FCN2: variants seen among roughly 807,000 people sequenced by gnomAD.
The protein encoded by FCN2 is ficolin 2.
Under a neutral mutation model 32.5 loss-of-function variants are expected in FCN2, and 31 were observed. That is an observed-to-expected ratio of 0.96 (90% CI 0.72 to 1.29). The LOEUF is 1.29. Among genes scored for constraint, FCN2 ranks in the 50% most tolerant of loss-of-function variants. The pLI, the probability that FCN2 is intolerant of heterozygous loss-of-function variation, is 0.00. For missense variants in FCN2, 412 were observed against 406.5 expected (o/e 1.01, Z -0.12); for synonymous variants, 181 against 164.5 (o/e 1.10, Z -0.77).
intron 5 of FCN2, among the ~76,000 whole-genome samples, 179 bp from the exon 6 acceptor site, chr9:134,885,589 C>G (rs1830738716): frequency 6.6e-6 from 1 of 152,068 alleles, no homozygotes. Flanking sequence ...CCTCCCCTCT[C>G]TGAGCCCCCA....
At chr9:134,884,042 A>G (rs1830707300) in intron 3 of FCN2, among the ~76,000 whole-genome samples, 1 of 151,780 alleles carries the variant, frequency 6.6e-6, no homozygotes, top group Non-Finnish European at 1.5e-5. Flanking sequence ...TCCCCTGAGC[A>G]TGAGGCCCTG....
chr9:134,877,152 C>G (rs1176071775), upstream of FCN2, among the ~76,000 whole-genome samples: 1 of 152,108 alleles, frequency 6.6e-6, no homozygotes, highest in Non-Finnish European at 1.5e-5. Context: ...TGCACTTGTT[C>G]ATTATTATTC....
intron 4 of FCN2, 35 bp downstream of exon 4, chr9:134,884,807 G>A: frequency 6.2e-7 from 1 of 1,609,442 alleles, no homozygotes; most frequent in Non-Finnish European, 8.5e-7. Context: ...CCCACGGCTT[G>A]TGGCTGCCCT....
chr9:134,884,429 G>T (rs1038360610), intron 3 of FCN2, among the ~76,000 whole-genome samples: 52 of 152,262 alleles, frequency 3.4e-4, no homozygotes, highest in African/African-American at 1.2e-3. Context: ...GCAGGCCTTG[G>T]GGCCTCAGGA....
intron 1 of FCN2, among the ~76,000 whole-genome samples, chr9:134,881,948 T>C (rs1276300357): frequency 6.6e-6 from 1 of 152,244 alleles, no homozygotes; most frequent in African/African-American, 2.4e-5. Context: ...ACTTGTTCAG[T>C]GTCCTTGAAG....
the FCN2 span, among the ~76,000 whole-genome samples, chr9:134,875,342 C>T: frequency 6.6e-6 from 1 of 152,200 alleles, no homozygotes; most frequent in Non-Finnish European, 1.5e-5. Flanking sequence ...CTTGAGCAAG[C>T]TTCCTTCCGT....
chr9:134,881,187 C>T (rs1246652055), intron 1 of FCN2, among the ~76,000 whole-genome samples: 1 of 152,220 alleles, frequency 6.6e-6, no homozygotes, highest in East Asian at 1.9e-4. Context: ...CCACATGTCC[C>T]CCTCTAAGCG....
At chr9:134,875,814 A>G (rs1432052787), upstream of FCN2, among the ~76,000 whole-genome samples, 1 of 152,206 alleles carries the variant, frequency 6.6e-6, no homozygotes, top group African/African-American at 2.4e-5. Context: ...TGATACCTCA[A>G]TTGTTGCTTT....
At chr9:134,872,933 C>T in the FCN2 span, among the ~76,000 whole-genome samples, 31 of 152,178 alleles carry the variant, frequency 2.0e-4, no homozygotes, top group Non-Finnish European at 1.6e-4. Context: ...TCCTTGTCAG[C>T]ACTGGGTACC....
upstream of FCN2, among the ~76,000 whole-genome samples, chr9:134,878,787 G>A (rs1830625535): frequency 1.3e-5 from 2 of 152,082 alleles, no homozygotes; most frequent in South Asian, 2.1e-4. Context: ...AGGTTGTGGT[G>A]AGCCAAGATT....
chr9:134,870,087 T>A, the FCN2 span, among the ~76,000 whole-genome samples: 1 of 152,150 alleles, frequency 6.6e-6, no homozygotes, highest in African/African-American at 2.4e-5. This position sits in a 1 kb window ranked among gnomAD's most constrained non-coding sequence, Gnocchi z 4.3. Context: ...CTAGGCAGGG[T>A]TCCTCTGCCC....
upstream of FCN2, among the ~76,000 whole-genome samples, chr9:134,879,751 G>A (rs1051034618): frequency 5.9e-5 from 9 of 152,242 alleles, no homozygotes; most frequent in African/African-American, 1.2e-4. Flanking sequence ...TTTGTTTCTC[G>A]CGTGGCTTTG....
At chr9:134,880,209 C>G (rs1409535135), upstream of FCN2, among the ~76,000 whole-genome samples, 4 of 152,176 alleles carry the variant, frequency 2.6e-5, no homozygotes, top group Non-Finnish European at 4.4e-5. Flanking sequence ...TCTCTCCTTT[C>G]CCTCCTGTTC....
chr9:134,864,246 G>A, the FCN2 span, among the ~76,000 whole-genome samples: 1 of 152,172 alleles, frequency 6.6e-6, no homozygotes, highest in Non-Finnish European at 1.5e-5. Flanking sequence ...AAGCCCTTCT[G>A]TCCTGCTGCG....
intron 1 of FCN2, among the ~76,000 whole-genome samples, chr9:134,881,630 G>T (rs769024957): frequency 6.6e-6 from 1 of 152,114 alleles, no homozygotes; most frequent in African/African-American, 2.4e-5. Flanking sequence ...GCAGAGATTC[G>T]TGTCAGGATT....
intron 6 of FCN2, among the ~76,000 whole-genome samples, chr9:134,886,166 G>C (rs1830751908): frequency 6.6e-6 from 1 of 152,160 alleles, no homozygotes. Flanking sequence ...GGGAAGGAGG[G>C]ACACAGTGGC....
intron 2 of FCN2, 100 bp downstream of exon 2, chr9:134,882,739 G>C (rs1167584604): frequency 7.4e-6 from 6 of 810,840 alleles, no homozygotes; most frequent in Admixed American, 2.3e-5. Context: ...TCGAGAGCTG[G>C]GTCAGGCCCC....
At chr9:134,882,187 G>C (rs1267248925) in intron 1 of FCN2, among the ~76,000 whole-genome samples, 1 of 152,264 alleles carries the variant, frequency 6.6e-6, no homozygotes, top group Non-Finnish European at 1.5e-5. Context: ...AGGGAACAGA[G>C]GCTCAGAGGG....
chr9:134,884,877 G>C, intron 4 of FCN2, 105 bp downstream of exon 4: 1 of 1,038,198 alleles, frequency 9.6e-7, no homozygotes, highest in Non-Finnish European at 1.5e-6. Flanking sequence ...AATATGAACA[G>C]AAGAAAATGG....
Sources: gnomAD v4.1 joint callset for allele counts (sites outside exome capture counted in the v4.1 genomes callset) on GRCh38, gnomAD v4.1.1 for gene constraint, Gnocchi (gnomAD v3.1) non-coding constraint, MANE v1.5 for transcripts, NCBI Gene and HGNC (gene_info 2026-07-23, HGNC 2026-07-21) for gene names.